Variants in PCDHGA6 observed in about 807,000 individuals in gnomAD.
PCDHGA6 encodes the protein protocadherin gamma-A6.
A neutral mutation model predicts 60.6 loss-of-function variants in PCDHGA6; 41 were observed. That is an observed-to-expected ratio of 0.68 (90% CI 0.53 to 0.88). The LOEUF (loss-of-function observed/expected upper bound fraction) is 0.88, where lower values mean the gene tolerates loss of function less well. Among genes scored for constraint, PCDHGA6 ranks in the 40% least tolerant of loss-of-function variants. The pLI, the probability that PCDHGA6 is intolerant of heterozygous loss-of-function variation, is 0.00. For synonymous variants in PCDHGA6, 594 were observed against 524.4 expected, an observed-to-expected ratio of 1.13 and a Z score of -1.81; for missense variants, 1,312 against 1,203.0, an observed-to-expected ratio of 1.09 and a Z score of -1.34.
intron 1 of PCDHGA6, chr5:141,385,657 C>A: frequency 1.6e-6 from 1 of 611,856 alleles, no homozygotes; most frequent in Non-Finnish European, 2.2e-6. Context: ...ACAAGGTTAG[C>A]AGGAATAAAA....
At chr5:141,418,077 T>G (rs770464447) in intron 1 of PCDHGA6, 4 of 1,613,914 alleles carry the variant, frequency 2.5e-6, no homozygotes, top group African/African-American at 1.3e-5. Context: ...GCGGAGAAGC[T>G]GCACTTCAGC....
At position 141,477,572 on chromosome 5, in the gene PCDHGA6, G is replaced by A. The variant is rs375416133; in HGVS notation, c.2425-17235G>A. The A allele has an allele frequency of 6.2e-7, 1 of 1,614,112 alleles. No homozygotes were observed. The highest frequency in any genetic ancestry group is 8.5e-7 in the Non-Finnish European group (1 of 1,180,030). On this transcript the variant is annotated intron_variant, in intron 1 of 3. Coordinates refer to ENST00000517434, the MANE Select transcript of PCDHGA6 (RefSeq NM_018919.3). This position sits in a 1 kb window ranked among gnomAD's most constrained non-coding sequence, Gnocchi z 4.9. ...AAACCTAAGTGTCTGGGACCCCGAC[G>A]CCCCGCAGAATGCTCGGCTTTCTTT...
chr5:141,399,093 A>C, intron 1 of PCDHGA6: 1 of 1,613,820 alleles, frequency 6.2e-7, no homozygotes. Flanking sequence ...ATGGTGGTGG[A>C]CTGGTTGCAC....
chr5:141,374,887 C>G lies in PCDHGA6; in HGVS notation c.804C>G (p.Asp268Glu), dbSNP rs1248527882. Residue 268 changes from aspartate (D) to glutamate (E), a missense_variant, in exon 1 of 4, where the codon GAC (aspartate) becomes GAG (glutamate). Physicochemically the swap from Asp to Glu is conservative, Grantham distance 45. Coordinates refer to ENST00000517434, the MANE Select transcript of PCDHGA6 (RefSeq NM_018919.3). Reference sequence around the variant, plus strand: ...CAGTGTTGGCAGTGACTGCCACCGACCAGGATGAAGGAGTCCACGGGGAAG... The same window carrying G: ...CAGTGTTGGCAGTGACTGCCACCGAGCAGGATGAAGGAGTCCACGGGGAAG... ...GTPVLAVTAT[D>E]QDEGVHGEVT... The G allele has an allele frequency of 1.9e-6, 3 of 1,613,670 alleles. No individual in the cohort carries two copies. In the African/African-American group the frequency reaches 4.0e-5, roughly 22 times the overall value.
chr5:141,378,991 T>C (rs530834817), intron 1 of PCDHGA6: 34 of 152,352 alleles, frequency 2.2e-4, no homozygotes, highest in African/African-American at 7.7e-4. Flanking sequence ...AACTACATTA[T>C]AGTCAAGATT....
At chr5:141,388,020 G>A (rs549084224) in intron 1 of PCDHGA6, 32 of 1,459,094 alleles carry the variant, frequency 2.2e-5, no homozygotes, top group African/African-American at 7.1e-5. Context: ...CAAGGGCTCC[G>A]TAGTGGGGAA....
intron 1 of PCDHGA6, chr5:141,427,032 A>G (rs1227315080): frequency 2.2e-6 from 1 of 457,206 alleles, no homozygotes; most frequent in East Asian, 6.9e-5. Flanking sequence ...AGTCAGCCTT[A>G]GAGAGAATGT....
At chr5:141,395,186 G>C in intron 1 of PCDHGA6, 1 of 1,614,086 alleles carries the variant, frequency 6.2e-7, no homozygotes, top group Non-Finnish European at 8.5e-7. Context: ...ATGATTCTTT[G>C]TTAACATCCG....
chr5:141,410,341 G>A (rs759674499), intron 1 of PCDHGA6: 1 of 1,613,992 alleles, frequency 6.2e-7, no homozygotes, highest in Non-Finnish European at 8.5e-7. Context: ...CCATTGCCTT[G>A]CGCCTGCGAC....
chr5:141,408,863 C>T, intron 1 of PCDHGA6: 1 of 1,613,604 alleles, frequency 6.2e-7, no homozygotes, highest in Non-Finnish European at 8.5e-7. Context: ...AGGGGACCCA[C>T]CAAGAAGTGC....
At position 141,477,226 on chromosome 5, in the gene PCDHGA6, C is replaced by G. The variant is rs779570150; in HGVS notation, c.2425-17581C>G. 59 of 1,614,076 alleles carry G rather than the reference C, an allele frequency of 3.7e-5. No homozygotes were observed. The highest frequency in any genetic ancestry group is 1.3e-4 in the Admixed American group (8 of 60,004). On this transcript the variant is annotated intron_variant, in intron 1 of 3. Coordinates refer to ENST00000517434, the MANE Select transcript of PCDHGA6 (RefSeq NM_018919.3). This position sits in a 1 kb window ranked among gnomAD's most constrained non-coding sequence, Gnocchi z 4.9. ...CCGAGGATGCCCCTCTGGGGACTGT[C>G]ATCGCTTTGCTCAGTGTGACTGACC...
At chr5:141,408,990 AAGTGAC>A (rs769374488) in intron 1 of PCDHGA6, 2 of 1,613,984 alleles carry the variant, frequency 1.2e-6, no homozygotes, top group Non-Finnish European at 1.7e-6. Flanking sequence ...CCTGTGTTGC[AAGTGAC>A]AGCCACTGAC....
Position 141,476,735 on chromosome 5 carries a change from G to C in PCDHGA6, c.2425-18072G>C, listed in dbSNP as rs1267556668. The C allele has an allele frequency of 6.2e-7, 1 of 1,613,974 alleles. No individual in the cohort carries two copies. Among genetic ancestry groups the C allele is most frequent in the African/African-American group, 1.3e-5 (1 of 74,940 alleles). On this transcript the variant is annotated intron_variant, in intron 1 of 3. Coordinates refer to ENST00000517434, the MANE Select transcript of PCDHGA6 (RefSeq NM_018919.3). This position sits in a 1 kb window ranked among gnomAD's most constrained non-coding sequence, Gnocchi z 7.6. ...GGAGCGCGCCCTGGACCGAGAACGG[G>C]AGCCTAGTCTCCAGTTAGTGCTGAC...
At chr5:141,409,813 C>T in intron 1 of PCDHGA6, 2 of 1,611,170 alleles carry the variant, frequency 1.2e-6, no homozygotes, top group African/African-American at 1.3e-5. Flanking sequence ...CCCGCGACCA[C>T]GGCTCGCCCA....
rs773899530 is a variant in PCDHGA6 at position 141,494,864 on chromosome 5, G to A, written c.2482G>A (p.Gly828Ser). 1.6e-5 allele frequency: 26 copies of A among 1,613,950 alleles called. No individual in the cohort carries two copies. The Admixed American group carries it at 3.5e-4, about 22-fold the overall frequency. Reference protein sequence around the residue: ...FSQAQRPGTSGSQNGDDTGTW... With the variant: ...FSQAQRPGTSSSQNGDDTGTW... ...TCAGGCCCAGAGACCCGGCACCAGC[G>A]GGTAGGTGACTGATTCTCCAGCCCA... Residue 828 changes from glycine to serine, a missense_variant and splice_region_variant, in exon 2 of 4, where the codon GGC (glycine) becomes AGC (serine). Gly to Ser is a moderately conservative substitution (Grantham distance 56, BLOSUM62 0). Coordinates refer to ENST00000517434, the MANE Select transcript of PCDHGA6 (RefSeq NM_018919.3).
chr5:141,413,836 G>A, intron 1 of PCDHGA6: 2 of 1,613,256 alleles, frequency 1.2e-6, no homozygotes, highest in Non-Finnish European at 1.7e-6. Context: ...CGCCTCCGAC[G>A]GGGGTGACCC....
intron 1 of PCDHGA6, among the ~76,000 whole-genome samples, chr5:141,436,793 C>A (rs752376420): frequency 6.6e-6 from 1 of 152,178 alleles, no homozygotes; most frequent in Non-Finnish European, 1.5e-5. Context: ...TAAAACTGTT[C>A]TAAAATTTTT....
chr5:141,450,264 C>T (rs1395960399), intron 1 of PCDHGA6, among the ~76,000 whole-genome samples: 1 of 152,112 alleles, frequency 6.6e-6, no homozygotes, highest in Non-Finnish European at 1.5e-5. Flanking sequence ...GTGATCTGCC[C>T]ACCTCAGCTA....
chr5:141,374,241 G>T lies in PCDHGA6; in HGVS notation c.158G>T (p.Gly53Val), dbSNP rs761928573. The T allele has an allele frequency of 2.5e-6, 4 of 1,614,020 alleles. No homozygotes were observed. In the Admixed American group the frequency reaches 6.7e-5, roughly 27 times the overall value. The change falls in exon 1 of 4, where the codon GGA becomes GTA. Residue 53 changes from glycine to valine, a missense_variant. Gly to Val is a moderately radical substitution (Grantham distance 109, BLOSUM62 -3). Transcript: ENST00000517434. ...SFVGNIVKDL[G>V]LEPQELAEHG... Reference sequence around the variant, plus strand: ...GTAGGCAACATCGTCAAGGATCTGGGACTGGAGCCCCAGGAGTTGGCGGAG... The same window carrying T: ...GTAGGCAACATCGTCAAGGATCTGGTACTGGAGCCCCAGGAGTTGGCGGAG...
Sources: allele counts gnomAD v4.1 joint callset (sites outside exome capture counted in the v4.1 genomes callset), GRCh38; gene constraint gnomAD v4.1.1; non-coding constraint Gnocchi (gnomAD v3.1); transcripts MANE v1.5; gene names NCBI Gene and HGNC (gene_info 2026-07-23, HGNC 2026-07-21).